NCOA5: variants seen among roughly 807,000 people sequenced by gnomAD.
NCOA5 encodes the protein NCoA-5.
Under a neutral mutation model 59.0 loss-of-function variants are expected in NCOA5, and 12 were observed. The ratio of observed to expected loss-of-function variants is 0.20; its 90% CI spans 0.13 to 0.33. The LOEUF is 0.33. Among genes scored for constraint, NCOA5 ranks in the 10% least tolerant of loss-of-function variants. The probability of loss-of-function intolerance (pLI) is 1.00; values close to 1 mark genes in which losing one functional copy is unlikely to be tolerated. For synonymous variants in NCOA5, 270 were observed against 275.5 expected, an observed-to-expected ratio of 0.98 and a Z score of 0.20; for missense variants, 655 against 766.6, an observed-to-expected ratio of 0.85 and a Z score of 1.72.
intron 1 of NCOA5, among the ~76,000 whole-genome samples, chr20:46,082,988 A>G (rs1423210454): frequency 1.3e-5 from 2 of 152,230 alleles, no homozygotes; most frequent in Non-Finnish European, 2.9e-5. Flanking sequence ...TTTCACTCAC[A>G]GTACCAAAAA....
At chr20:46,071,792 T>A (rs1196639214) in intron 2 of NCOA5, among the ~76,000 whole-genome samples, 4 of 152,212 alleles carry the variant, frequency 2.6e-5, no homozygotes, top group Admixed American at 6.5e-5. Context: ...TCGTGTCCCA[T>A]GTCTTCCAAG....
At chr20:46,072,660 T>A (rs1451780058) in intron 2 of NCOA5, among the ~76,000 whole-genome samples, 1 of 152,312 alleles carries the variant, frequency 6.6e-6, no homozygotes, top group East Asian at 1.9e-4. Flanking sequence ...TCTTTCCTGA[T>A]CCCTTTACGT....
intron 2 of NCOA5, 143 bp downstream of exon 2, chr20:46,079,244 C>T (rs1387039982): frequency 1.3e-6 from 1 of 752,842 alleles, no homozygotes; most frequent in African/African-American, 1.8e-5. Context: ...CAGCAAGGCC[C>T]TTCACACAGG....
intron 2 of NCOA5, among the ~76,000 whole-genome samples, chr20:46,075,905 T>C (rs2084933298): frequency 6.6e-6 from 1 of 152,170 alleles, no homozygotes; most frequent in African/African-American, 2.4e-5. Flanking sequence ...CATGCAGAGT[T>C]CTGTGCTTGG....
chr20:46,069,097 C>T (rs567238569), intron 3 of NCOA5, among the ~76,000 whole-genome samples: 2 of 152,238 alleles, frequency 1.3e-5, no homozygotes, highest in Admixed American at 1.3e-4. Flanking sequence ...CAGGCGTGAG[C>T]CACTGCGCCT....
At chr20:46,089,073 T>C (rs1568891234) in intron 1 of NCOA5, among the ~76,000 whole-genome samples, 1 of 152,176 alleles carries the variant, frequency 6.6e-6, no homozygotes, top group African/African-American at 2.4e-5. Context: ...GACATAAAGG[T>C]GCAACGCGAG....
intron 1 of NCOA5, among the ~76,000 whole-genome samples, chr20:46,082,037 A>T (rs2084997213): frequency 6.6e-6 from 1 of 152,114 alleles, no homozygotes; most frequent in African/African-American, 2.4e-5. Context: ...TTTTTGTCAC[A>T]GAATTTGAAA....
intron 1 of NCOA5, among the ~76,000 whole-genome samples, chr20:46,080,917 G>A (rs1331465086): frequency 6.6e-6 from 1 of 151,936 alleles, no homozygotes; most frequent in Non-Finnish European, 1.5e-5. Flanking sequence ...AGTTTATAAT[G>A]GTCTAAATTA....
intron 1 of NCOA5, among the ~76,000 whole-genome samples, chr20:46,087,551 AG>A (rs1868434593): frequency 6.6e-6 from 1 of 152,128 alleles, no homozygotes; most frequent in Non-Finnish European, 1.5e-5. Flanking sequence ...TGAGGTTGGG[AG>A]TTCGAGACTA....
chr20:46,068,410 CT>C, intron 4 of NCOA5, 91 bp downstream of exon 4: 1 of 1,406,794 alleles, frequency 7.1e-7, no homozygotes, highest in Non-Finnish European at 9.5e-7. Flanking sequence ...GGCACTAGCC[CT>C]TTTTCAGATG....
At chr20:46,089,215 G>C (rs901204129) in intron 1 of NCOA5, among the ~76,000 whole-genome samples, 9 of 152,182 alleles carry the variant, frequency 5.9e-5, no homozygotes, top group Middle Eastern at 3.2e-3. Flanking sequence ...GTAAACCCGG[G>C]AACAGTTCCT....
At chr20:46,073,739 T>C (rs1431328352) in intron 2 of NCOA5, among the ~76,000 whole-genome samples, 2 of 152,280 alleles carry the variant, frequency 1.3e-5, no homozygotes, top group Non-Finnish European at 2.9e-5. Flanking sequence ...GCATGTTATT[T>C]ACCACCTTCG....
At chr20:46,086,065 G>C (rs2085042179) in intron 1 of NCOA5, among the ~76,000 whole-genome samples, 1 of 152,130 alleles carries the variant, frequency 6.6e-6, no homozygotes, top group Non-Finnish European at 1.5e-5. Flanking sequence ...TTTTTGTAGA[G>C]ACAGGATCTC....
rs1568875471 is a variant in NCOA5, at chr20:46,063,220, G to A, written c.1150+140C>T. 5.3e-6 allele frequency: 4 copies of A among 755,036 alleles called. No individual in the cohort carries two copies. The South Asian group carries it at 5.6e-5, about 10-fold the overall frequency. The allele number at this position is 755,036 out of a possible 1,614,324, so 46.8% of individuals were successfully genotyped here. On this transcript the variant is annotated intron_variant, in intron 7 of 7. Transcript: ENST00000290231. ...TATTAACATTATATCAGCATGGGTGGCCCACGGGAGAACCCAAGGGATGGA... is the reference window on the plus strand; with the variant it reads ...TATTAACATTATATCAGCATGGGTGACCCACGGGAGAACCCAAGGGATGGA...
intron 1 of NCOA5, among the ~76,000 whole-genome samples, chr20:46,080,633 C>T (rs1356151525): frequency 2.0e-5 from 3 of 152,072 alleles, no homozygotes; most frequent in Admixed American, 6.5e-5. Context: ...CTTTTGAGTT[C>T]CTGATCAAAT....
At chr20:46,064,017 C>G (rs1405789663) in intron 6 of NCOA5, among the ~76,000 whole-genome samples, 1 of 152,226 alleles carries the variant, frequency 6.6e-6, no homozygotes, top group African/African-American at 2.4e-5. Flanking sequence ...GCAGGCCCAA[C>G]AGCCTCTAGA....
chr20:46,062,913 T>A, intron 7 of NCOA5, 24 bp from the exon 8 acceptor site: 1 of 1,507,608 alleles, frequency 6.6e-7, no homozygotes, highest in Non-Finnish European at 8.8e-7. Context: ...GAGGGAGGTA[T>A]CTGGTTCAAA....
In NCOA5 at chr20:46,075,577, A is replaced by G. The variant is rs550805573; in HGVS notation, c.38+3810T>C. ...AAATCCTCTGCAGAGCGTTGGATGCAGACAAGTTAATTCTATTTGTTCTTC... is the reference window on the plus strand; with the variant it reads ...AAATCCTCTGCAGAGCGTTGGATGCGGACAAGTTAATTCTATTTGTTCTTC... On this transcript the variant is annotated intron_variant, in intron 2 of 7. Transcript: ENST00000290231. Among the ~76,000 whole-genome samples, 45 of 152,334 alleles carry G rather than the reference A, an allele frequency of 3.0e-4. No individual in the cohort carries two copies. The South Asian group carries it at 9.1e-3, about 31-fold the overall frequency.
chr20:46,077,915 A>G (rs1055869568), intron 2 of NCOA5, among the ~76,000 whole-genome samples: 1 of 152,248 alleles, frequency 6.6e-6, no homozygotes, highest in Non-Finnish European at 1.5e-5. Context: ...GAACTGCTGA[A>G]GTTCTGCAGG....
Sources: allele counts gnomAD v4.1 joint callset (sites outside exome capture counted in the v4.1 genomes callset), GRCh38; gene constraint gnomAD v4.1.1; transcripts MANE v1.5; gene names NCBI Gene and HGNC (gene_info 2026-07-23, HGNC 2026-07-21).